HDAC9: variants seen among roughly 807,000 people sequenced by gnomAD.
The protein encoded by HDAC9 is MEF-2 interacting transcription repressor (MITR) protein.
Under a neutral mutation model 139.4 loss-of-function variants are expected in HDAC9, and 41 were observed. The observed-to-expected ratio is 0.29, with a 90% CI of 0.23 to 0.38. The LOEUF is 0.38. HDAC9 is among the 10% of genes least tolerant of loss of function. The pLI is 1.00. For synonymous variants in HDAC9, 517 were observed against 476.2 expected, an observed-to-expected ratio of 1.09 and a Z score of -1.12; for missense variants, 1,147 against 1,297.0, an observed-to-expected ratio of 0.88 and a Z score of 1.78.
rs111692823 is a variant in HDAC9, at chr7:18,845,010, G to C, written c.2684+9013G>C. 8.2e-3 allele frequency among the ~76,000 whole-genome samples: 1,247 copies of C among 152,280 alleles called. 16 individuals are homozygous for C. The highest frequency in any genetic ancestry group is 0.028 in the African/African-American group (1,164 of 41,556). On this transcript the variant is annotated intron_variant, in intron 21 of 25. Coordinates refer to ENST00000686413, the MANE Select transcript of HDAC9 (RefSeq NM_178425.4). The stretch of plus-strand genomic sequence containing the variant: ...GTAGTAGGTGAAACGGACAGGAACA[G>C]AGATAATAAAATCTGACGTGTCATA...
chr7:18,456,890 G>A (rs932761379), intron 1 of HDAC9, among the ~76,000 whole-genome samples: 3 of 152,114 alleles, frequency 2.0e-5, no homozygotes, highest in African/African-American at 7.2e-5. Context: ...TAGCTGCAGG[G>A]TATTTATTGG....
At chr7:18,851,856 A>T (rs1473498346) in intron 21 of HDAC9, among the ~76,000 whole-genome samples, 1 of 152,164 alleles carries the variant, frequency 6.6e-6, no homozygotes, top group Non-Finnish European at 1.5e-5. Flanking sequence ...CATCCAATCA[A>T]AGTTGGTTTC....
chr7:18,727,874 T>C, intron 13 of HDAC9, 117 bp downstream of exon 13: 1 of 769,176 alleles, frequency 1.3e-6, no homozygotes, highest in East Asian at 3.4e-5. Flanking sequence ...TTTAACCCAG[T>C]GCAACCCAAA....
At chr7:18,167,291 A>T (rs1788075776) in intron 2 of HDAC9, among the ~76,000 whole-genome samples, 1 of 152,130 alleles carries the variant, frequency 6.6e-6, no homozygotes, top group South Asian at 2.1e-4. Context: ...CAAGTTTGAA[A>T]CATAAACCAA....
chr7:18,904,572 CTTTTTTTTTTTTTTTTT>C lies in HDAC9; in HGVS notation c.2803+29986_2803+30002del, dbSNP rs71017010. Among the ~76,000 whole-genome samples, 192 of 71,956 alleles carry C rather than the reference CTTTTTTTTTTTTTTTTT, an allele frequency of 2.7e-3. 1 individual carries two copies. Among genetic ancestry groups the C allele is most frequent in the South Asian group, 4.2e-3 (6 of 1,416 alleles). 47.2% of individuals were successfully genotyped at this position (71,956 alleles called of 152,430 possible). ...GGGGAACCCTCTACCCTCCCCATTT[CTTTTTTTTTTTTTTTTT>C]TTTTTTTTTAGATGGAGTCTCGCTG... On this transcript the variant is annotated intron_variant, in intron 22 of 25. Coordinates refer to ENST00000686413, the MANE Select transcript of HDAC9 (RefSeq NM_178425.4).
At chr7:18,300,551 A>G (rs1798471424) in intron 1 of HDAC9, among the ~76,000 whole-genome samples, 1 of 152,204 alleles carries the variant, frequency 6.6e-6, no homozygotes, top group Non-Finnish European at 1.5e-5. Flanking sequence ...CAATATGTTA[A>G]TTATATGTAG....
At chr7:18,480,120 G>A (rs1035263692) in intron 1 of HDAC9, among the ~76,000 whole-genome samples, 1 of 150,906 alleles carries the variant, frequency 6.6e-6, no homozygotes, top group Non-Finnish European at 1.5e-5. Context: ...TTTATTTTGA[G>A]TATGAGGTTT....
intron 23 of HDAC9, among the ~76,000 whole-genome samples, chr7:18,948,371 GTAGT>G (rs1782552533): frequency 6.6e-6 from 1 of 151,932 alleles, no homozygotes; most frequent in African/African-American, 2.4e-5. Context: ...AACAAAGTGG[GTAGT>G]TAATTAAAAA....
chr7:18,863,324 C>A (rs1798249339), intron 21 of HDAC9, among the ~76,000 whole-genome samples: 1 of 152,212 alleles, frequency 6.6e-6, no homozygotes, highest in Non-Finnish European at 1.5e-5. Flanking sequence ...TTTAGCTTGT[C>A]CAACCCATGG....
At chr7:18,990,546 C>G (rs1042513658) in intron 25 of HDAC9, among the ~76,000 whole-genome samples, 1 of 152,248 alleles carries the variant, frequency 6.6e-6, no homozygotes, top group African/African-American at 2.4e-5. Context: ...TAGAGGCAGG[C>G]AGGCCTCCTT....
rs540216378 is a variant in HDAC9 at position 18,169,912 on chromosome 7, A to G, written c.25+7563A>G. ...CTTTGCTATTGCGAATAGTGCCGCA[A>G]TAAACATACATGTGCATGTGTCTTT... On this transcript the variant is annotated intron_variant, in intron 2 of 12. Transcript: ENST00000417496. Among the ~76,000 whole-genome samples the G allele has an allele frequency of 2.6e-5, 4 of 152,358 alleles. No individual in the cohort carries two copies. The South Asian group carries it at 8.3e-4, about 32-fold the overall frequency.
intron 17 of HDAC9, among the ~76,000 whole-genome samples, chr7:18,828,248 T>C (rs560394747): frequency 6.6e-6 from 1 of 152,314 alleles, no homozygotes; most frequent in African/African-American, 2.4e-5. Flanking sequence ...TAGGATTGTG[T>C]ATAAAACAGC....
intron 12 of HDAC9, among the ~76,000 whole-genome samples, chr7:18,713,766 G>A (rs1476555805): frequency 6.6e-6 from 1 of 152,118 alleles, no homozygotes; most frequent in Non-Finnish European, 1.5e-5. Flanking sequence ...TAATGAAGTG[G>A]TTAAAGACTG....
chr7:18,634,492 T>C (rs563973434), intron 7 of HDAC9, 135 bp from the exon 8 acceptor site: 40 of 592,414 alleles, frequency 6.8e-5, no homozygotes, highest in Non-Finnish European at 1.2e-4. Context: ...AATTTTTAGT[T>C]CTTTCTATTT....
rs145231445 is a variant in HDAC9, at chr7:18,306,132, A to G, written c.-42+15617A>G. 3.9e-3 allele frequency among the ~76,000 whole-genome samples: 598 copies of G among 152,326 alleles called. 3 individuals are homozygous for G. Among genetic ancestry groups the G allele is most frequent in the African/African-American group, 0.014 (576 of 41,570 alleles). ...ATCAAGTAAGTTGGTGTGCTAGGTAACTAAAGCTTAATTCTGCTGGGGAAC... is the reference window on the plus strand; with the variant it reads ...ATCAAGTAAGTTGGTGTGCTAGGTAGCTAAAGCTTAATTCTGCTGGGGAAC... On this transcript the variant is annotated intron_variant, in intron 1 of 3. Coordinates refer to the HDAC9 transcript ENST00000413509.
chr7:18,138,145 G>A (rs966320216), intron 1 of HDAC9, among the ~76,000 whole-genome samples: 6 of 152,160 alleles, frequency 3.9e-5, no homozygotes, highest in Admixed American at 2.0e-4. Flanking sequence ...TGGGATCGGT[G>A]ATGATATCCC....
intron 22 of HDAC9, among the ~76,000 whole-genome samples, chr7:18,894,721 T>G (rs538972695): frequency 6.5e-4 from 99 of 152,216 alleles, no homozygotes; most frequent in African/African-American, 2.4e-3. Flanking sequence ...AATGACAGCA[T>G]ATTTATGTGA....
intron 12 of HDAC9, among the ~76,000 whole-genome samples, chr7:18,669,296 AT>A (rs1333140419): frequency 2.0e-5 from 3 of 151,860 alleles, no homozygotes; most frequent in Non-Finnish European, 3.0e-5. Flanking sequence ...TGTCGTAATA[AT>A]TATGTCTATT....
At chr7:18,860,032 G>C (rs1311218723) in intron 21 of HDAC9, among the ~76,000 whole-genome samples, 4 of 151,282 alleles carry the variant, frequency 2.6e-5, no homozygotes, top group Non-Finnish European at 4.4e-5. Context: ...CTGCTCATAG[G>C]GTAATGGGAA....
Sources: allele counts gnomAD v4.1 joint callset (sites outside exome capture counted in the v4.1 genomes callset), GRCh38; gene constraint gnomAD v4.1.1; transcripts MANE v1.5; gene names NCBI Gene and HGNC (gene_info 2026-07-23, HGNC 2026-07-21).